The following GTF2E2 variants were observed in gnomAD, a reference collection of about 807,000 sequenced individuals.
The protein encoded by GTF2E2 is transcription initiation factor IIE subunit beta.
GTF2E2 carries 21 observed loss-of-function variants against 40.5 expected under a neutral mutation model. That is an observed-to-expected ratio of 0.52 (90% confidence interval 0.37 to 0.75). The LOEUF (loss-of-function observed/expected upper bound fraction) is 0.75. Among genes scored for constraint, GTF2E2 ranks in the 30% least tolerant of loss-of-function variants. The pLI is 0.00. For synonymous variants in GTF2E2, 117 were observed against 121.6 expected, an observed-to-expected ratio of 0.96 and a Z score of 0.25; for missense variants, 298 against 338.4, an observed-to-expected ratio of 0.88 and a Z score of 0.94.
chr8:30,615,685 T>C (rs1038969893), intron 3 of GTF2E2, among the ~76,000 whole-genome samples: 6 of 152,112 alleles, frequency 3.9e-5, no homozygotes, highest in Admixed American at 6.6e-5. Flanking sequence ...CTAGAGAGGA[T>C]GCAAAGGAAC....
At chr8:30,607,017 A>C (rs1455739134) in intron 6 of GTF2E2, 40 bp downstream of exon 6, 2 of 726,940 alleles carry the variant, frequency 2.8e-6, no homozygotes, top group East Asian at 5.5e-5. Flanking sequence ...CTAAAATTGT[A>C]ATATACTTGC....
chr8:30,652,297 G>A (rs1016592765), intron 2 of GTF2E2, among the ~76,000 whole-genome samples: 52 of 152,010 alleles, frequency 3.4e-4, no homozygotes, highest in Admixed American at 3.3e-3. Context: ...CACTTGCTTG[G>A]AGAAAATATT....
rs1034489730 is a variant in GTF2E2 at position 30,578,563 on chromosome 8, A to G, written c.*358T>C. 6.3e-6 allele frequency: 1 copy of G among 159,700 alleles called. No homozygotes were observed. The highest frequency in any genetic ancestry group is 2.4e-5 in the African/African-American group (1 of 41,726). The allele number at this position is 159,700 out of a possible 1,614,324, so 9.9% of individuals were successfully genotyped here. ...TTTATTATAAATATGTTCTTTTGGA[A>G]TAAACAAATATTGCATTCAAGACTA... On this transcript the variant is annotated 3_prime_UTR_variant, in exon 8 of 8. Coordinates refer to ENST00000355904, the MANE Select transcript of GTF2E2 (RefSeq NM_002095.6).
At chr8:30,603,025 G>A (rs1829226703) in intron 6 of GTF2E2, among the ~76,000 whole-genome samples, 2 of 152,020 alleles carry the variant, frequency 1.3e-5, no homozygotes, top group South Asian at 2.1e-4. Flanking sequence ...TTTCTTCCTA[G>A]CATTTCATAC....
At chr8:30,629,843 T>A (rs1213194383) in intron 3 of GTF2E2, among the ~76,000 whole-genome samples, 7 of 152,062 alleles carry the variant, frequency 4.6e-5, no homozygotes, top group Non-Finnish European at 4.4e-5. Flanking sequence ...AACACTAAGC[T>A]AGAATAAGCC....
rs747565512 is a variant in GTF2E2 at position 30,647,113 on chromosome 8, AG to A, written c.166+6319del. Among the ~76,000 whole-genome samples, 29 of 152,194 alleles carry A rather than the reference AG, an allele frequency of 1.9e-4. 1 individual carries two copies. The highest frequency in any genetic ancestry group is 1.2e-3 in the South Asian group (6 of 4,826). On this transcript the variant is annotated intron_variant, in intron 2 of 7. Transcript: ENST00000355904. The stretch of plus-strand genomic sequence containing the variant: ...GATATTATAAATATACACATGAGTA[AG>A]GTTTGAAAACAAATATGGAGAATTA...
chr8:30,636,290 G>C (rs1342902519), intron 2 of GTF2E2, among the ~76,000 whole-genome samples: 1 of 152,136 alleles, frequency 6.6e-6, no homozygotes, highest in African/African-American at 2.4e-5. Flanking sequence ...TTCCCATGTG[G>C]CTGATCCACA....
chr8:30,643,344 T>C (rs957073836), intron 2 of GTF2E2: 2 of 152,028 alleles, frequency 1.3e-5, no homozygotes, highest in Non-Finnish European at 2.9e-5. Context: ...GGCCAAGAGT[T>C]GATGAATGAA....
Position 30,580,407 on chromosome 8 carries a change from C to T in GTF2E2, c.644-11G>A. On this transcript the variant is annotated splice_polypyrimidine_tract_variant and intron_variant, in intron 6 of 7. Coordinates refer to ENST00000355904, the MANE Select transcript of GTF2E2 (RefSeq NM_002095.6). ...ACAGTTTCTGAAATTCTGTATCAAA[C>T]AGACACTAGTTATTTTACAATCCAT... is the stretch of plus-strand genomic sequence containing the variant. The T allele has an allele frequency of 7.6e-7, 1 of 1,315,902 alleles. No homozygotes were observed. Among genetic ancestry groups the T allele is most frequent in the Non-Finnish European group, 1.1e-6 (1 of 910,032 alleles). 81.5% of individuals were successfully genotyped at this position (1,315,902 alleles called of 1,614,324 possible).
chr8:30,596,957 C>T (rs759789256), intron 6 of GTF2E2: 6 of 152,382 alleles, frequency 3.9e-5, no homozygotes, highest in Non-Finnish European at 8.8e-5. Context: ...CGACCTTCAG[C>T]TTTTTTGGTC....
intron 6 of GTF2E2, among the ~76,000 whole-genome samples, chr8:30,598,992 TA>T (rs1829092526): frequency 6.6e-6 from 1 of 152,162 alleles, no homozygotes; most frequent in South Asian, 2.1e-4. Context: ...ACCCTGTCTC[TA>T]TTTATAAAAA....
intron 3 of GTF2E2, among the ~76,000 whole-genome samples, chr8:30,619,155 T>G (rs565148168): frequency 6.6e-6 from 1 of 152,216 alleles, no homozygotes; most frequent in South Asian, 2.1e-4. Flanking sequence ...TTGTCCAGGA[T>G]GGTCTCGATC....
At chr8:30,622,078 C>T (rs1012503642) in intron 3 of GTF2E2, among the ~76,000 whole-genome samples, 2 of 151,468 alleles carry the variant, frequency 1.3e-5, no homozygotes, top group Non-Finnish European at 2.9e-5. Flanking sequence ...TACCCACTAA[C>T]TCGTCCTTTA....
intron 2 of GTF2E2, chr8:30,636,937 A>G: frequency 2.2e-6 from 1 of 444,458 alleles, no homozygotes; most frequent in South Asian, 1.6e-5. Context: ...TACGTAGTTC[A>G]TTCTCCCAAG....
At chr8:30,650,133 G>A (rs1379572164) in intron 2 of GTF2E2, among the ~76,000 whole-genome samples, 5 of 152,074 alleles carry the variant, frequency 3.3e-5, no homozygotes, top group East Asian at 1.9e-4. Flanking sequence ...AGAGAAAAAC[G>A]AAACTACATA....
At chr8:30,611,117 G>A (rs1431760957) in intron 5 of GTF2E2, among the ~76,000 whole-genome samples, 3 of 152,146 alleles carry the variant, frequency 2.0e-5, no homozygotes, top group Admixed American at 6.6e-5. Flanking sequence ...CAAGCAAACG[G>A]GCTAAGGCTA....
intron 5 of GTF2E2, among the ~76,000 whole-genome samples, chr8:30,607,404 G>A (rs1829348804): frequency 2.0e-5 from 3 of 151,998 alleles, no homozygotes; most frequent in Admixed American, 2.0e-4. Flanking sequence ...TCAGCCTCTG[G>A]AGTAACTGGG....
At chr8:30,652,949 C>A (rs1033564284) in intron 2 of GTF2E2, among the ~76,000 whole-genome samples, 21 of 151,964 alleles carry the variant, frequency 1.4e-4, no homozygotes, top group Non-Finnish European at 2.4e-4. Context: ...GTGAAAAAAA[C>A]AACACACAAA....
At chr8:30,613,652 G>C (rs1299675287) in intron 4 of GTF2E2, among the ~76,000 whole-genome samples, 1 of 152,174 alleles carries the variant, frequency 6.6e-6, no homozygotes, top group Non-Finnish European at 1.5e-5. Context: ...CTAATACAAT[G>C]AACTACAATT....
Sources: gnomAD v4.1 joint callset for allele counts (sites outside exome capture counted in the v4.1 genomes callset) on GRCh38, gnomAD v4.1.1 for gene constraint, MANE v1.5 for transcripts, NCBI Gene and HGNC (gene_info 2026-07-23, HGNC 2026-07-21) for gene names.